HBP1: variants seen among roughly 807,000 people sequenced by gnomAD.
HBP1 encodes the protein HMG-box transcription factor 1, also known as HMG box-containing protein 1.
Under a neutral mutation model 62.6 loss-of-function variants are expected in HBP1, and 20 were observed. The observed-to-expected ratio is 0.32, with a 90% confidence interval of 0.22 to 0.46. HBP1 has a LOEUF of 0.46. Ranked by LOEUF, HBP1 falls within the 20% of genes least tolerant of loss-of-function variation. The probability of loss-of-function intolerance (pLI) is 1.00; values close to 1 mark genes in which losing one functional copy is unlikely to be tolerated. For synonymous variants in HBP1, 232 were observed against 206.2 expected (o/e 1.12, Z -1.07); for missense variants, 480 against 611.8 (o/e 0.78, Z 2.27).
chr7:107,187,678 C>G (rs776342620), intron 6 of HBP1, among the ~76,000 whole-genome samples: 4 of 152,200 alleles, frequency 2.6e-5, no homozygotes, highest in Admixed American at 2.0e-4. Flanking sequence ...ACTTTGGCCT[C>G]TACTACTCTA....
At chr7:107,192,602 T>TA (rs1373148618) in intron 8 of HBP1, 2 of 152,220 alleles carry the variant, frequency 1.3e-5, no homozygotes, top group Admixed American at 1.3e-4. Context: ...AACTTACAAA[T>TA]ATATGTAAAG....
At chr7:107,186,517 A>G (rs1797381244) in intron 5 of HBP1, 45 bp downstream of exon 5, 1 of 1,562,788 alleles carries the variant, frequency 6.4e-7, no homozygotes, top group Non-Finnish European at 8.8e-7. Context: ...TCCACAGCTT[A>G]CTTGTCTAGT....
At chr7:107,187,178 A>C (rs910031368) in intron 6 of HBP1, among the ~76,000 whole-genome samples, 1 of 152,110 alleles carries the variant, frequency 6.6e-6, no homozygotes, top group Non-Finnish European at 1.5e-5. Context: ...GTGTGAACCC[A>C]GGAGGCAGAG....
intron 3 of HBP1, among the ~76,000 whole-genome samples, chr7:107,184,893 TCAGA>T (rs1427676019): frequency 6.6e-6 from 1 of 152,244 alleles, no homozygotes; most frequent in Non-Finnish European, 1.5e-5. Flanking sequence ...ATTTGGCATC[TCAGA>T]CAATTATCCT....
chr7:107,185,679 T>C (rs1797317583), intron 3 of HBP1, 122 bp from the exon 4 acceptor site: 2 of 647,344 alleles, frequency 3.1e-6, no homozygotes, highest in Admixed American at 4.9e-5. Flanking sequence ...TCTTTACTAG[T>C]GTTTACCATA....
intron 8 of HBP1, among the ~76,000 whole-genome samples, chr7:107,190,673 CTT>C (rs1451236048): frequency 2.0e-5 from 3 of 152,238 alleles, no homozygotes; most frequent in African/African-American, 4.8e-5. Context: ...TTATAAATCT[CTT>C]GTGTTTTTTG....
chr7:107,190,427 A>T, intron 8 of HBP1, 110 bp downstream of exon 8: 1 of 685,312 alleles, frequency 1.5e-6, no homozygotes, highest in Admixed American at 2.9e-5. Context: ...AAGATTTGAG[A>T]ATTATAAAAG....
At chr7:107,196,266 T>C in intron 9 of HBP1, 115 bp downstream of exon 9, 4 of 762,778 alleles carry the variant, frequency 5.2e-6, no homozygotes, top group Non-Finnish European at 6.8e-6. Context: ...AACTCTTAGG[T>C]TGACTTTTTT....
At chr7:107,172,999 A>G (rs1380884855) in intron 1 of HBP1, among the ~76,000 whole-genome samples, 1 of 152,224 alleles carries the variant, frequency 6.6e-6, no homozygotes, top group Non-Finnish European at 1.5e-5. Context: ...CGAATCCACT[A>G]AGGGTTTTTG....
chr7:107,181,206 G>A (rs796173558), intron 2 of HBP1, among the ~76,000 whole-genome samples: 10 of 152,244 alleles, frequency 6.6e-5, no homozygotes, highest in African/African-American at 2.4e-4. Flanking sequence ...AGTTTGGCTT[G>A]GCATGATGGT....
In HBP1 at chr7:107,199,911, G is replaced by A. The variant is rs907787304; in HGVS notation, c.1386-249G>A. Among the ~76,000 whole-genome samples the A allele has an allele frequency of 2.0e-5, 3 of 152,180 alleles. No homozygotes were observed. The East Asian group carries it at 5.8e-4, about 29-fold the overall frequency. ...GACCTTTATCAAAACTATTTGATAG[G>A]TTACGGGCACAAATAGATTAGCTTT... On this transcript the variant is annotated intron_variant, in intron 9 of 10. Transcript: ENST00000222574.
At chr7:107,179,787 C>A in intron 1 of HBP1, 92 bp from the exon 2 acceptor site, 3 of 765,988 alleles carry the variant, frequency 3.9e-6, no homozygotes, top group Non-Finnish European at 6.2e-6. Context: ...AAAAACAAAA[C>A]AACATTGTCA....
intron 8 of HBP1, among the ~76,000 whole-genome samples, 164 bp downstream of exon 8, chr7:107,190,481 T>G (rs1191257967): frequency 6.6e-6 from 1 of 152,154 alleles, no homozygotes; most frequent in African/African-American, 2.4e-5. Flanking sequence ...ATTAGGTAAT[T>G]AAAGTATAAT....
intron 1 of HBP1, among the ~76,000 whole-genome samples, chr7:107,171,069 A>ATTTTTTTTTTTTTTTTTTTTT (rs1292839546): frequency 1.4e-5 from 1 of 72,378 alleles, no homozygotes; most frequent in Admixed American, 1.6e-4. Flanking sequence ...ATATATATAT[A>ATTTTTTTTTTTTTTTTTTTTT]TATATTTTTT....
At chr7:107,175,995 C>T (rs769440194) in intron 1 of HBP1, among the ~76,000 whole-genome samples, 6 of 151,800 alleles carry the variant, frequency 4.0e-5, no homozygotes, top group East Asian at 1.9e-4. Context: ...GGATTACAGG[C>T]GTGAGCCACC....
chr7:107,183,154 G>A (rs753114380), intron 3 of HBP1, among the ~76,000 whole-genome samples: 2 of 152,098 alleles, frequency 1.3e-5, no homozygotes, highest in Non-Finnish European at 2.9e-5. Context: ...ATGAAATTAC[G>A]GAAGCTTCCA....
intron 8 of HBP1, among the ~76,000 whole-genome samples, chr7:107,194,426 GA>G (rs1290093057): frequency 1.3e-5 from 2 of 152,204 alleles, no homozygotes; most frequent in Non-Finnish European, 2.9e-5. Flanking sequence ...TGCAAACCTA[GA>G]AAGCAGACAT....
chr7:107,196,613 T>A (rs1797917654), intron 9 of HBP1: 2 of 249,440 alleles, frequency 8.0e-6, no homozygotes, highest in Admixed American at 5.2e-5. Context: ...TTTAGGGTTA[T>A]ATGTAATTAT....
At chr7:107,177,233 A>G (rs1385569129) in intron 1 of HBP1, among the ~76,000 whole-genome samples, 1 of 152,234 alleles carries the variant, frequency 6.6e-6, no homozygotes, top group Non-Finnish European at 1.5e-5. Flanking sequence ...ACAGATGAAG[A>G]GAAACTCAGT....
Sources: gnomAD v4.1 joint callset for allele counts (sites outside exome capture counted in the v4.1 genomes callset) on GRCh38, gnomAD v4.1.1 for gene constraint, MANE v1.5 for transcripts, NCBI Gene and HGNC (gene_info 2026-07-23, HGNC 2026-07-21) for gene names.